SPATS2L: variants seen among roughly 807,000 people sequenced by gnomAD.
SPATS2L encodes the protein spermatogenesis associated serine rich 2 like.
In SPATS2L, 30 loss-of-function variants were observed where a neutral mutation model predicts 59.6. The ratio of observed to expected loss-of-function variants is 0.50; its 90% CI spans 0.38 to 0.68. The LOEUF is 0.68. Among genes scored for constraint, SPATS2L ranks in the 30% least tolerant of loss-of-function variants. The pLI is 0.00. For missense variants in SPATS2L, 615 were observed against 700.0 expected (o/e 0.88, Z 1.37); for synonymous variants, 252 against 263.5 (o/e 0.96, Z 0.42).
In SPATS2L at chr2:200,373,289, AAAAG is replaced by A. The variant is rs1303792807; in HGVS notation, c.-22-15931_-22-15928del. 35 of 151,366 alleles carry A rather than the reference AAAAG, an allele frequency of 2.3e-4. No homozygotes were observed. In the South Asian group the frequency reaches 7.2e-3, roughly 31 times the overall value. The allele number at this position is 151,366 out of a possible 1,614,324, so 9.4% of individuals were successfully genotyped here. ...CCTTAACAAAAAAAAAAAAAAAAAAAAAAGAACAAAACTGACTAATACTGTGACC... is the reference window on the plus strand; with the variant it reads ...CCTTAACAAAAAAAAAAAAAAAAAAAAACAAAACTGACTAATACTGTGACC... On this transcript the variant is annotated intron_variant, in intron 2 of 12. Coordinates refer to ENST00000409140, the MANE Select transcript of SPATS2L (RefSeq NM_001100423.2).
chr2:200,465,613 T>C (rs1026627027), intron 9 of SPATS2L, among the ~76,000 whole-genome samples: 2 of 152,234 alleles, frequency 1.3e-5, no homozygotes, highest in African/African-American at 4.8e-5. Context: ...GTATTGTAAA[T>C]GGGGGCTAGG....
At chr2:200,353,352 T>C (rs780386981) in intron 2 of SPATS2L, among the ~76,000 whole-genome samples, 119 of 152,324 alleles carry the variant, frequency 7.8e-4, no homozygotes, top group Non-Finnish European at 1.4e-3. Flanking sequence ...ACGGATATAT[T>C]TGGTGAAACT....
intron 3 of SPATS2L, among the ~76,000 whole-genome samples, chr2:200,409,021 G>A (rs558175111): frequency 6.6e-6 from 1 of 152,246 alleles, no homozygotes; most frequent in East Asian, 1.9e-4. Context: ...CGGCCGCCTG[G>A]TGGGACCACT....
chr2:200,433,931 C>T (rs901013235), intron 6 of SPATS2L, among the ~76,000 whole-genome samples: 2 of 151,924 alleles, frequency 1.3e-5, no homozygotes, highest in Non-Finnish European at 1.5e-5. Flanking sequence ...GGAATACTTC[C>T]TAACTCATTT....
chr2:200,419,494 C>T lies in SPATS2L; in HGVS notation c.443C>T (p.Thr148Ile), dbSNP rs2083217011. 1.2e-6 allele frequency: 2 copies of T among 1,613,778 alleles called. No individual in the cohort carries two copies. Among genetic ancestry groups the T allele is most frequent in the Non-Finnish European group, 1.7e-6 (2 of 1,179,812 alleles). ...EEPSKALRGV[T>I]EGNRLLQQKL... The stretch of plus-strand genomic sequence containing the variant: ...CCTTCAAAGGCACTTCGTGGGGTCA[C>T]AGGTCAGTAATGCTTAAGTAAAATT... Residue 148 changes from threonine to isoleucine, a missense_variant and splice_region_variant, in exon 6 of 13, where the codon ACA becomes ATA. Thr to Ile is a moderately conservative substitution (Grantham distance 89, BLOSUM62 -1). This residue lies in a region of SPATS2L where 227 missense variants were observed against 257.4 expected (regional missense o/e 0.88). Coordinates refer to ENST00000409140, the MANE Select transcript of SPATS2L (RefSeq NM_001100423.2).
At chr2:200,344,301 A>G (rs2080435298) in intron 2 of SPATS2L, among the ~76,000 whole-genome samples, 1 of 152,132 alleles carries the variant, frequency 6.6e-6, no homozygotes, top group African/African-American at 2.4e-5. Context: ...GCTCCCACTT[A>G]TAAGTGAGAA....
intron 11 of SPATS2L, among the ~76,000 whole-genome samples, chr2:200,472,546 C>T (rs150183637): frequency 1.3e-5 from 2 of 152,242 alleles, no homozygotes; most frequent in East Asian, 3.9e-4. Flanking sequence ...GGTTCTTGAC[C>T]TAAAGAATAA....
At chr2:200,306,564 G>A (rs1471171097), upstream of SPATS2L, 2 of 1,002,142 alleles carry the variant, frequency 2.0e-6, no homozygotes, top group Non-Finnish European at 1.2e-6. Context: ...GTGTTTGCGA[G>A]CGGGAGCGAG....
intron 2 of SPATS2L, among the ~76,000 whole-genome samples, chr2:200,374,029 A>G (rs1014218084): frequency 6.6e-6 from 1 of 152,216 alleles, no homozygotes; most frequent in African/African-American, 2.4e-5. Context: ...AACAGAACAA[A>G]TGTAAACCAC....
At chr2:200,471,201 G>A (rs1277985173) in intron 11 of SPATS2L, among the ~76,000 whole-genome samples, 1 of 152,112 alleles carries the variant, frequency 6.6e-6, no homozygotes, top group Non-Finnish European at 1.5e-5. Flanking sequence ...ACACTGCTGC[G>A]AGCATCCTTG....
chr2:200,365,314 A>G (rs772435902), intron 2 of SPATS2L, among the ~76,000 whole-genome samples: 7 of 152,244 alleles, frequency 4.6e-5, no homozygotes, highest in Admixed American at 3.3e-4. Context: ...AGATAAATAG[A>G]TGGCATTATG....
chr2:200,342,384 G>T (rs2080361773), intron 2 of SPATS2L, among the ~76,000 whole-genome samples: 1 of 152,252 alleles, frequency 6.6e-6, no homozygotes, highest in Non-Finnish European at 1.5e-5. Context: ...GGACCTGGAA[G>T]AGGACGCTGA....
chr2:200,470,849 A>G (rs1451291683), intron 11 of SPATS2L, among the ~76,000 whole-genome samples: 3 of 152,160 alleles, frequency 2.0e-5, no homozygotes, highest in African/African-American at 7.2e-5. Context: ...TTAACCAGTC[A>G]TTTCTCTAAA....
intron 3 of SPATS2L, among the ~76,000 whole-genome samples, chr2:200,397,154 C>T (rs922565995): frequency 1.3e-5 from 2 of 152,220 alleles, no homozygotes; most frequent in East Asian, 1.9e-4. Context: ...TGCCTCTCCA[C>T]CCCCACTCCT....
At chr2:200,338,975 T>C (rs538286857) in intron 2 of SPATS2L, among the ~76,000 whole-genome samples, 164 of 152,340 alleles carry the variant, frequency 1.1e-3, no homozygotes, top group African/African-American at 3.8e-3. Flanking sequence ...AGAAGTGTTA[T>C]CTTTGTATCT....
At chr2:200,475,915 G>C (rs2087484152) in intron 12 of SPATS2L, among the ~76,000 whole-genome samples, 1 of 152,190 alleles carries the variant, frequency 6.6e-6, no homozygotes, top group Non-Finnish European at 1.5e-5. Flanking sequence ...AGCGGGAATA[G>C]CTCCACCATT....
chr2:200,355,675 C>A (rs983077430), intron 2 of SPATS2L, among the ~76,000 whole-genome samples: 1 of 152,200 alleles, frequency 6.6e-6, no homozygotes, highest in African/African-American at 2.4e-5. Flanking sequence ...CCTTCCATTC[C>A]GTATTCCACT....
At chr2:200,407,097 G>C (rs1451836949) in intron 3 of SPATS2L, among the ~76,000 whole-genome samples, 3 of 152,140 alleles carry the variant, frequency 2.0e-5, no homozygotes, top group Non-Finnish European at 4.4e-5. Context: ...TAATGCAAAT[G>C]CTCCCACTTT....
chr2:200,388,003 C>A (rs2082045383), intron 2 of SPATS2L, among the ~76,000 whole-genome samples: 2 of 152,026 alleles, frequency 1.3e-5, no homozygotes, highest in African/African-American at 4.8e-5. Flanking sequence ...AGAGATTGGA[C>A]ACCAAAGGCA....
Sources: allele counts gnomAD v4.1 joint callset (sites outside exome capture counted in the v4.1 genomes callset), GRCh38; gene constraint gnomAD v4.1.1; regional missense constraint gnomAD v4.1.1; transcripts MANE v1.5; gene names NCBI Gene and HGNC (gene_info 2026-07-23, HGNC 2026-07-21).